The following THSD7B variants were observed in gnomAD, a reference collection of about 807,000 sequenced individuals.
THSD7B encodes the protein thrombospondin type-1 domain-containing protein 7B.
THSD7B carries 138 observed loss-of-function variants against 213.6 expected under a neutral mutation model. The observed-to-expected ratio is 0.65, with a 90% confidence interval of 0.56 to 0.74. The LOEUF is 0.74. Ranked by LOEUF, THSD7B falls within the 30% of genes least tolerant of loss-of-function variation. The pLI, the probability that THSD7B is intolerant of heterozygous loss-of-function variation, is 0.00. For synonymous variants in THSD7B, 742 were observed against 687.0 expected, an observed-to-expected ratio of 1.08 and a Z score of -1.25; for missense variants, 1,931 against 1,991.5, an observed-to-expected ratio of 0.97 and a Z score of 0.58.
chr2:137,298,512 G>T (rs1314029556), intron 12 of THSD7B, among the ~76,000 whole-genome samples: 1 of 151,968 alleles, frequency 6.6e-6, no homozygotes, highest in Non-Finnish European at 1.5e-5. Flanking sequence ...CTGAGACCAT[G>T]GGGAAAATGT....
At chr2:137,655,354 T>C in intron 21 of THSD7B, 147 bp from the exon 22 acceptor site, 2 of 829,688 alleles carry the variant, frequency 2.4e-6, no homozygotes, top group Non-Finnish European at 3.6e-6. Context: ...AGGGATGCTT[T>C]ATTGTCAACA....
chr2:137,662,203 C>A (rs1683359464), intron 25 of THSD7B, among the ~76,000 whole-genome samples: 1 of 147,500 alleles, frequency 6.8e-6, no homozygotes, highest in Non-Finnish European at 1.5e-5. Context: ...GCTAGGACTA[C>A]AGATGCCCGC....
intron 7 of THSD7B, among the ~76,000 whole-genome samples, chr2:137,181,832 C>A (rs1311728793): frequency 6.6e-6 from 1 of 152,134 alleles, no homozygotes; most frequent in Non-Finnish European, 1.5e-5. Flanking sequence ...GGTGATATTG[C>A]TCTTGGTAGA....
intron 9 of THSD7B, among the ~76,000 whole-genome samples, chr2:137,236,967 C>T (rs1023162880): frequency 1.3e-5 from 2 of 151,948 alleles, no homozygotes; most frequent in Admixed American, 1.3e-4. Context: ...AAAAATTAGC[C>T]AGGAGTGGTG....
intron 2 of THSD7B, among the ~76,000 whole-genome samples, chr2:136,979,233 T>C (rs1461409681): frequency 6.6e-6 from 1 of 152,130 alleles, no homozygotes; most frequent in Admixed American, 6.5e-5. Flanking sequence ...ATTTTTTTTT[T>C]TATTTCAACC....
chr2:137,115,142 T>C lies in THSD7B; in HGVS notation c.1218T>C (p.Ser406=), dbSNP rs368396215. ...CAAACAGGTATTCCTGGAGAACTTC[T>C]GAATGGAAAGAATGCCAAGTCTCTC... ...QQCPRYSWRT[S]EWKECQVSLL... Residue 406 remains serine, a synonymous_variant, in exon 5 of 28, where the codon TCT becomes TCC. Coordinates refer to ENST00000409968, the MANE Select transcript of THSD7B (RefSeq NM_001316349.2). 2.5e-6 allele frequency: 4 copies of C among 1,613,874 alleles called. No individual in the cohort carries two copies. The African/African-American group carries it at 4.0e-5, about 16-fold the overall frequency.
intron 10 of THSD7B, among the ~76,000 whole-genome samples, chr2:137,245,989 T>C (rs905770286): frequency 6.6e-6 from 1 of 152,164 alleles, no homozygotes; most frequent in African/African-American, 2.4e-5. Context: ...ATGTTGGGTA[T>C]AAAGCTCTAT....
At chr2:137,011,727 A>T (rs1326472971) in intron 2 of THSD7B, among the ~76,000 whole-genome samples, 1 of 152,028 alleles carries the variant, frequency 6.6e-6, no homozygotes, top group Non-Finnish European at 1.5e-5. Flanking sequence ...TCTGAATCTC[A>T]TCCATCCTTC....
chr2:137,472,348 C>T (rs1688109773), intron 15 of THSD7B, among the ~76,000 whole-genome samples: 1 of 152,134 alleles, frequency 6.6e-6, no homozygotes, highest in Non-Finnish European at 1.5e-5. Flanking sequence ...CCTAAAAGAA[C>T]TTTTACTTAT....
intron 14 of THSD7B, among the ~76,000 whole-genome samples, chr2:137,427,060 C>T (rs1387964079): frequency 2.6e-5 from 4 of 151,676 alleles, no homozygotes; most frequent in Non-Finnish European, 4.4e-5. Context: ...GAACATCACT[C>T]GTTATCAGAG....
intron 15 of THSD7B, among the ~76,000 whole-genome samples, chr2:137,555,624 A>G (rs1680944847): frequency 1.3e-5 from 2 of 152,182 alleles, no homozygotes; most frequent in South Asian, 2.1e-4. Flanking sequence ...AAAATTCTAA[A>G]AATCAGAGGG....
intron 2 of THSD7B, among the ~76,000 whole-genome samples, chr2:136,884,897 T>G (rs576465843): frequency 6.6e-6 from 1 of 152,296 alleles, no homozygotes. Context: ...GAATGCAGTA[T>G]TATTTTAAAG....
intron 1 of THSD7B, among the ~76,000 whole-genome samples, chr2:136,825,543 G>T (rs1457630951): frequency 6.6e-6 from 1 of 151,640 alleles, no homozygotes; most frequent in African/African-American, 2.4e-5. Flanking sequence ...TTTTAACCTA[G>T]CCAGGAGAGA....
chr2:137,607,470 T>C (rs1313824524), intron 17 of THSD7B, among the ~76,000 whole-genome samples: 2 of 152,220 alleles, frequency 1.3e-5, no homozygotes, highest in African/African-American at 2.4e-5. Context: ...AATCACAACA[T>C]GGTTTAAAAC....
intron 12 of THSD7B, among the ~76,000 whole-genome samples, chr2:137,352,814 T>A (rs1342309757): frequency 6.6e-6 from 1 of 152,056 alleles, no homozygotes; most frequent in Non-Finnish European, 1.5e-5. Context: ...AAAAATGTAT[T>A]GAGAAAAAAT....
chr2:136,852,308 CAAAA>C (rs1439662055), intron 1 of THSD7B, among the ~76,000 whole-genome samples: 1 of 131,356 alleles, frequency 7.6e-6, no homozygotes, highest in Non-Finnish European at 1.6e-5. Context: ...AGCTGGCAAA[CAAAA>C]CAAAACAAAA....
intron 4 of THSD7B, among the ~76,000 whole-genome samples, chr2:137,096,493 T>C (rs1005821258): frequency 3.3e-5 from 5 of 152,196 alleles, no homozygotes; most frequent in Non-Finnish European, 7.3e-5. Context: ...CAGTTCCTTA[T>C]ATTCTTATTG....
At chr2:137,098,626 C>T (rs1306220300) in intron 4 of THSD7B, among the ~76,000 whole-genome samples, 1 of 152,120 alleles carries the variant, frequency 6.6e-6, no homozygotes, top group African/African-American at 2.4e-5. Flanking sequence ...AAATAAATTA[C>T]TCAGGAAATT....
intron 21 of THSD7B, among the ~76,000 whole-genome samples, chr2:137,645,885 C>T (rs1683022140): frequency 6.6e-6 from 1 of 152,096 alleles, no homozygotes; most frequent in Non-Finnish European, 1.5e-5. Context: ...GTGAGCCCTC[C>T]CTTCCCTGGA....
Sources: allele counts gnomAD v4.1 joint callset (sites outside exome capture counted in the v4.1 genomes callset), GRCh38; gene constraint gnomAD v4.1.1; transcripts MANE v1.5; gene names NCBI Gene and HGNC (gene_info 2026-07-23, HGNC 2026-07-21).